KCNG2: variants seen among roughly 807,000 people sequenced by gnomAD.
The protein encoded by KCNG2 is potassium voltage-gated channel modifier subfamily G member 2.
KCNG2 carries 7 observed loss-of-function variants against 12.3 expected under a neutral mutation model. That is an observed-to-expected ratio of 0.57 (90% CI 0.32 to 1.07). The LOEUF is 1.07. Ranked by LOEUF, KCNG2 falls within the 50% of genes least tolerant of loss-of-function variation. The pLI, the probability that KCNG2 is intolerant of heterozygous loss-of-function variation, is 0.04. For synonymous variants in KCNG2, 414 were observed against 351.4 expected (o/e 1.18, Z -1.99); for missense variants, 703 against 726.0 (o/e 0.97, Z 0.36).
intron 3 of KCNG2, among the ~76,000 whole-genome samples, chr18:79,895,645 ATTGGG>A (rs1980942789): frequency 6.8e-6 from 1 of 146,566 alleles, no homozygotes; most frequent in Admixed American, 6.8e-5. Context: ...TCTGCTATTG[ATTGGG>A]TTGTTCACTC....
At chr18:79,887,192 G>C (rs1382344994) in intron 3 of KCNG2, among the ~76,000 whole-genome samples, 1 of 141,280 alleles carries the variant, frequency 7.1e-6, no homozygotes, top group Non-Finnish European at 1.5e-5. Flanking sequence ...ACACAGGACA[G>C]ATGGGGACAG....
chr18:79,896,510 C>T (rs1180620317), intron 3 of KCNG2, among the ~76,000 whole-genome samples: 2 of 152,230 alleles, frequency 1.3e-5, no homozygotes, highest in Admixed American at 1.3e-4. Flanking sequence ...TTTGCTCCCA[C>T]ACACCTCCTT....
intron 3 of KCNG2, among the ~76,000 whole-genome samples, chr18:79,885,681 G>A (rs907716740): frequency 6.6e-6 from 1 of 152,252 alleles, no homozygotes; most frequent in Non-Finnish European, 1.5e-5. Context: ...CTTCAGTCCT[G>A]GGTGTGCAAC....
chr18:79,828,317 C>T (rs1184201124), intron 1 of KCNG2, among the ~76,000 whole-genome samples: 3 of 152,146 alleles, frequency 2.0e-5, no homozygotes, highest in Non-Finnish European at 2.9e-5. Context: ...GTGCACACTG[C>T]GTCATTGCAT....
At chr18:79,823,636 G>C (rs1044663398) in intron 1 of KCNG2, among the ~76,000 whole-genome samples, 3 of 152,054 alleles carry the variant, frequency 2.0e-5, no homozygotes, top group African/African-American at 7.2e-5. Context: ...CCCATTTCTC[G>C]ATGGGGTTTT....
intron 1 of KCNG2, among the ~76,000 whole-genome samples, chr18:79,804,540 AAC>A (rs2087434794): frequency 6.6e-6 from 1 of 152,186 alleles, no homozygotes; most frequent in African/African-American, 2.4e-5. Context: ...AAGGTGCAGA[AAC>A]ACACCCCAGC....
intron 1 of KCNG2, among the ~76,000 whole-genome samples, chr18:79,823,413 C>A (rs2087587002): frequency 6.6e-6 from 1 of 152,230 alleles, no homozygotes; most frequent in South Asian, 2.1e-4. Context: ...TTCCTCCCTC[C>A]TGAGAGCTGT....
At chr18:79,887,250 A>G (rs1291232072) in intron 3 of KCNG2, among the ~76,000 whole-genome samples, 3 of 151,684 alleles carry the variant, frequency 2.0e-5, no homozygotes, top group Non-Finnish European at 2.9e-5. Context: ...GGGAGGGGAC[A>G]TGAGGGAGAT....
intron 2 of KCNG2, among the ~76,000 whole-genome samples, chr18:79,863,364 C>G (rs1979293663): frequency 6.6e-6 from 1 of 152,270 alleles, no homozygotes; most frequent in East Asian, 1.9e-4. Flanking sequence ...TGTTCCAAGT[C>G]CCCTAGTGTA....
intron 2 of KCNG2, 75 bp from the exon 3 acceptor site, chr18:79,863,553 C>G (rs967439343): frequency 5.5e-6 from 6 of 1,091,016 alleles, no homozygotes; most frequent in African/African-American, 1.7e-5. Context: ...CCGGCCCGGC[C>G]CCTGGATCCC....
At chr18:79,823,561 G>A (rs2087588123) in intron 1 of KCNG2, among the ~76,000 whole-genome samples, 2 of 152,152 alleles carry the variant, frequency 1.3e-5, no homozygotes, top group South Asian at 2.1e-4. Flanking sequence ...GAGTGTGCTT[G>A]AACATGTTTT....
At chr18:79,843,441 T>C (rs1978526001) in intron 1 of KCNG2, among the ~76,000 whole-genome samples, 1 of 152,164 alleles carries the variant, frequency 6.6e-6, no homozygotes, top group Admixed American at 6.5e-5. Context: ...ATAGTCAAAT[T>C]CAGAATGTTC....
chr18:79,884,680 C>G lies in KCNG2; in HGVS notation c.625-14360C>G, dbSNP rs926630351. On this transcript the variant is annotated intron_variant, in intron 3 of 3. Transcript: ENST00000316249. This position sits in a 1 kb window ranked among gnomAD's most constrained non-coding sequence, Gnocchi z 5.5. ...AAATGTTTGTGGTTTCCAAAGAGAC[C>G]GGACACGCCCAAGGCCCACAGACAC... 2.0e-4 allele frequency among the ~76,000 whole-genome samples: 30 copies of G among 152,168 alleles called. 1 individual carries two copies. The highest frequency in any genetic ancestry group is 3.8e-4 in the Non-Finnish European group (26 of 68,028).
intron 3 of KCNG2, among the ~76,000 whole-genome samples, chr18:79,874,411 G>C (rs987193699): frequency 6.6e-6 from 1 of 152,214 alleles, no homozygotes; most frequent in African/African-American, 2.4e-5. Context: ...CTGCCCCGAG[G>C]GGGGAGCCAC....
At chr18:79,809,686 G>A (rs1420714704) in intron 1 of KCNG2, among the ~76,000 whole-genome samples, 1 of 151,970 alleles carries the variant, frequency 6.6e-6, no homozygotes, top group Non-Finnish European at 1.5e-5. Context: ...CGCACCTGCC[G>A]CTTATGCAGC....
intron 3 of KCNG2, among the ~76,000 whole-genome samples, chr18:79,888,308 G>C (rs1375346769): frequency 6.6e-6 from 1 of 152,278 alleles, no homozygotes; most frequent in East Asian, 1.9e-4. Flanking sequence ...TCCTGAGAAG[G>C]TCCCCAGCCC....
chr18:79,851,841 AGT>A (rs1443007208), intron 1 of KCNG2, among the ~76,000 whole-genome samples: 1 of 151,754 alleles, frequency 6.6e-6, no homozygotes, highest in Non-Finnish European at 1.5e-5. Flanking sequence ...TGTGAATATG[AGT>A]GTGTGTGCAC....
rs532724226 is a variant in KCNG2 at position 79,807,411 on chromosome 18, A to T, written c.-115+9397A>T. On this transcript the variant is annotated intron_variant, in intron 1 of 3. Coordinates refer to ENST00000316249, the MANE Select transcript of KCNG2 (RefSeq NM_012283.2). ...TCTGCTCTACCGTAAACACCCGAGC[A>T]CCCAGCGCCCTCACAAGAGAAGCAA... Among the ~76,000 whole-genome samples the T allele has an allele frequency of 8.0e-4, 122 of 152,200 alleles. 1 individual carries two copies. The highest frequency in any genetic ancestry group is 1.5e-3 in the Non-Finnish European group (99 of 68,004).
chr18:79,830,139 C>T (rs980320741), intron 1 of KCNG2, among the ~76,000 whole-genome samples: 39 of 152,034 alleles, frequency 2.6e-4, no homozygotes, highest in Admixed American at 1.2e-3. Context: ...TGCAGGTCCA[C>T]GGAGCCCAGT....
Sources: gnomAD v4.1 joint callset for allele counts (sites outside exome capture counted in the v4.1 genomes callset) on GRCh38, gnomAD v4.1.1 for gene constraint, Gnocchi (gnomAD v3.1) non-coding constraint, MANE v1.5 for transcripts, NCBI Gene and HGNC (gene_info 2026-07-23, HGNC 2026-07-21) for gene names.